The following LHFPL3 variants were observed in gnomAD, a reference collection of about 807,000 sequenced individuals.
The protein encoded by LHFPL3 is LHFPL tetraspan subfamily member 3, also known as LHFPL tetraspan subfamily member 3 protein.
In LHFPL3, 5 loss-of-function variants were observed where a neutral mutation model predicts 19.3. The ratio of observed to expected loss-of-function variants is 0.26; its 90% CI spans 0.14 to 0.54. The LOEUF is 0.54. LHFPL3 is among the 20% of genes least tolerant of loss of function. The pLI is 0.94. For missense variants in LHFPL3, 249 were observed against 307.4 expected, an observed-to-expected ratio of 0.81 and a Z score of 1.42; for synonymous variants, 133 against 126.2, an observed-to-expected ratio of 1.05 and a Z score of -0.36.
At chr7:104,721,548 A>C (rs1793493466) in intron 1 of LHFPL3, among the ~76,000 whole-genome samples, 1 of 151,940 alleles carries the variant, frequency 6.6e-6, no homozygotes, top group African/African-American at 2.4e-5. Context: ...TTAAAAAAAA[A>C]AATCAGGCCA....
chr7:104,738,803 T>G (rs936154688), intron 2 of LHFPL3: 1 of 152,184 alleles, frequency 6.6e-6, no homozygotes, highest in African/African-American at 2.4e-5. Flanking sequence ...GAGTCTTCAT[T>G]AAACAAAGCA....
In LHFPL3 at chr7:104,841,168, C is replaced by A. The variant is rs1018303956; in HGVS notation, c.683-65019C>A. Among the ~76,000 whole-genome samples, 4 of 152,184 alleles carry A rather than the reference C, an allele frequency of 2.6e-5. No homozygotes were observed. In the South Asian group the frequency reaches 6.2e-4, roughly 24 times the overall value. ...TGATCTTCCTTTTCTCTAAGAAATC[C>A]TCTCCCATCTTATAGAAAAATGCAC... On this transcript the variant is annotated intron_variant, in intron 2 of 2. Transcript: ENST00000424859.
At chr7:104,823,002 C>T (rs907096169) in intron 2 of LHFPL3, among the ~76,000 whole-genome samples, 5 of 152,132 alleles carry the variant, frequency 3.3e-5, no homozygotes, top group South Asian at 2.1e-4. Flanking sequence ...CCTCCAGAGC[C>T]GTACGCTCTG....
At chr7:104,642,859 A>G (rs1284566350) in intron 1 of LHFPL3, among the ~76,000 whole-genome samples, 3 of 152,194 alleles carry the variant, frequency 2.0e-5, no homozygotes, top group Non-Finnish European at 4.4e-5. Flanking sequence ...AAAAGATTAT[A>G]CAACTATAAC....
At chr7:104,475,521 T>G (rs1189384154) in intron 1 of LHFPL3, among the ~76,000 whole-genome samples, 1 of 152,206 alleles carries the variant, frequency 6.6e-6, no homozygotes, top group Non-Finnish European at 1.5e-5. Context: ...TTGGGTCTGT[T>G]GTGTAACAAT....
chr7:104,505,465 C>A (rs1042495385), intron 1 of LHFPL3, among the ~76,000 whole-genome samples: 5 of 152,136 alleles, frequency 3.3e-5, no homozygotes, highest in African/African-American at 1.2e-4. Context: ...AAAGTTGAAT[C>A]TGGTAAAGAT....
rs1000972424 is a variant in LHFPL3, at chr7:104,558,511, C to T, written c.446-178164C>T. ...AGTGTCTGTTCATGTCATTCGCCCACTTTTTGATGGGGTTGTTTGTTTTTT... is the reference window on the plus strand; with the variant it reads ...AGTGTCTGTTCATGTCATTCGCCCATTTTTTGATGGGGTTGTTTGTTTTTT... On this transcript the variant is annotated intron_variant, in intron 1 of 2. Transcript: ENST00000424859. 3.1e-4 allele frequency among the ~76,000 whole-genome samples: 47 copies of T among 152,084 alleles called. 1 individual carries two copies. Among genetic ancestry groups the T allele is most frequent in the African/African-American group, 1.1e-3 (44 of 41,374 alleles).
At chr7:104,469,975 G>A (rs1227700598) in intron 1 of LHFPL3, 62 of 455,748 alleles carry the variant, frequency 1.4e-4, no homozygotes, top group South Asian at 9.0e-4. Flanking sequence ...AGGTGGTTGC[G>A]CTTGAAATGC....
chr7:104,480,891 A>AT (rs570743336), intron 1 of LHFPL3, among the ~76,000 whole-genome samples: 79 of 152,286 alleles, frequency 5.2e-4, no homozygotes, highest in South Asian at 2.3e-3. Context: ...AGGAATTCTG[A>AT]TGTATTTAGC....
chr7:104,590,623 T>A (rs1257808363), intron 1 of LHFPL3, among the ~76,000 whole-genome samples: 1 of 152,212 alleles, frequency 6.6e-6, no homozygotes, highest in East Asian at 1.9e-4. Flanking sequence ...TAATTGTCTA[T>A]TAGGTCCGCT....
chr7:104,645,202 G>A (rs976775799), intron 1 of LHFPL3, among the ~76,000 whole-genome samples: 1 of 152,188 alleles, frequency 6.6e-6, no homozygotes, highest in Non-Finnish European at 1.5e-5. Flanking sequence ...TATGGCTAAT[G>A]AGGCTGGCCA....
In LHFPL3 at chr7:104,588,746, C is replaced by T. The variant is rs568454150; in HGVS notation, c.446-147929C>T. ...TCACAATATTGATTCTTCCTATCCA[C>T]GAGTATGGAATGTTCTTCCATTTAT... On this transcript the variant is annotated intron_variant, in intron 1 of 2. Transcript: ENST00000424859. 8.5e-5 allele frequency among the ~76,000 whole-genome samples: 13 copies of T among 152,214 alleles called. No homozygotes were observed. The South Asian group carries it at 1.0e-3, about 12-fold the overall frequency.
At chr7:104,474,264 C>A (rs1421816333) in intron 1 of LHFPL3, among the ~76,000 whole-genome samples, 1 of 152,108 alleles carries the variant, frequency 6.6e-6, no homozygotes, top group Admixed American at 6.6e-5. Context: ...TTCAAAACAC[C>A]TACAAAGAAG....
rs181429392 is a variant in LHFPL3, at chr7:104,669,452, G to A, written c.446-67223G>A. The A allele has an allele frequency of 8.2e-4, 1,326 of 1,613,066 alleles. 19 individuals carry two copies. The East Asian group carries it at 0.028, about 35-fold the overall frequency. ...GATGGCAAAAAGGATCAAGACTCCA[G>A]ATCTGCACCTGAGCCAAAGAAACCT... is the stretch of plus-strand genomic sequence containing the variant. On this transcript the variant is annotated intron_variant, in intron 1 of 2. Transcript: ENST00000424859.
intron 2 of LHFPL3, among the ~76,000 whole-genome samples, chr7:104,886,488 C>G (rs1455691001): frequency 6.6e-6 from 1 of 152,146 alleles, no homozygotes; most frequent in South Asian, 2.1e-4. Context: ...CCTCAGCCTC[C>G]CGAGTAGTTG....
chr7:104,429,985 A>T (rs1468610078), intron 1 of LHFPL3, among the ~76,000 whole-genome samples: 1 of 152,160 alleles, frequency 6.6e-6, no homozygotes, highest in Non-Finnish European at 1.5e-5. Flanking sequence ...AAAAGGACAA[A>T]ATCAAGGAGA....
At chr7:104,679,954 G>A (rs1266206363) in intron 1 of LHFPL3, among the ~76,000 whole-genome samples, 1 of 152,108 alleles carries the variant, frequency 6.6e-6, no homozygotes, top group Non-Finnish European at 1.5e-5. Context: ...CTCTCCCTGA[G>A]TGATCTCATG....
intron 2 of LHFPL3, among the ~76,000 whole-genome samples, chr7:104,874,856 CTT>C (rs551943012): frequency 2.1e-5 from 3 of 143,530 alleles, no homozygotes; most frequent in Admixed American, 1.4e-4. Flanking sequence ...GTTCTTTTTC[CTT>C]TTTTTTTTTT....
chr7:104,565,255 T>G (rs1790096851), intron 1 of LHFPL3, among the ~76,000 whole-genome samples: 1 of 152,240 alleles, frequency 6.6e-6, no homozygotes, highest in African/African-American at 2.4e-5. Flanking sequence ...CTGTGGCTCC[T>G]AGATATTTTG....
Sources: allele counts gnomAD v4.1 joint callset (sites outside exome capture counted in the v4.1 genomes callset), GRCh38; gene constraint gnomAD v4.1.1; transcripts MANE v1.5; gene names NCBI Gene and HGNC (gene_info 2026-07-23, HGNC 2026-07-21).